Variants in STAB2 observed in about 807,000 individuals in gnomAD.
STAB2 encodes stabilin-2.
In STAB2, 288 loss-of-function variants were observed where a neutral mutation model predicts 338.1. That is an observed-to-expected ratio of 0.85 (90% CI 0.77 to 0.94). The LOEUF (loss-of-function observed/expected upper bound fraction) is 0.94. STAB2 is among the 40% of genes least tolerant of loss of function. The probability of loss-of-function intolerance (pLI) is 0.00; values close to 1 mark genes in which losing one functional copy is unlikely to be tolerated. For missense variants in STAB2, 3,141 were observed against 3,210.1 expected (o/e 0.98, Z 0.52); for synonymous variants, 1,202 against 1,193.3 (o/e 1.01, Z -0.15).
intron 65 of STAB2, 133 bp downstream of exon 65, chr12:103,759,406 T>A: frequency 7.6e-7 from 1 of 1,319,504 alleles, no homozygotes; most frequent in Non-Finnish European, 1.0e-6. Context: ...GGGACGGTGT[T>A]AACTGCCCAC....
At position 103,650,725 on chromosome 12, in the gene STAB2, T is replaced by A. The variant is rs1415511917; in HGVS notation, c.1257+147T>A. On this transcript the variant is annotated intron_variant, in intron 11 of 68. Transcript: ENST00000388887. Reference sequence around the variant, plus strand: ...TGATTTTTTGATAAACTTCTTTTAGTGATATATAACATCCTTACAGAAAGT... The same window carrying A: ...TGATTTTTTGATAAACTTCTTTTAGAGATATATAACATCCTTACAGAAAGT... 19 of 602,622 alleles carry A rather than the reference T, an allele frequency of 3.2e-5. No individual in the cohort carries two copies. In the East Asian group the frequency reaches 5.2e-4, roughly 16 times the overall value. The allele number at this position is 602,622 out of a possible 1,614,324, so 37.3% of individuals were successfully genotyped here.
At chr12:103,610,670 T>G (rs1198897663) in intron 3 of STAB2, among the ~76,000 whole-genome samples, 1 of 152,240 alleles carries the variant, frequency 6.6e-6, no homozygotes. Context: ...TGAAGGGTTT[T>G]TTATGTCTCT....
chr12:103,692,724 G>T (rs1488643353), intron 30 of STAB2, 88 bp from the exon 31 acceptor site: 2 of 1,099,138 alleles, frequency 1.8e-6, no homozygotes, highest in African/African-American at 1.6e-5. Context: ...GGTCACTGCT[G>T]CTCAAAAAGC....
chr12:103,714,008 G>A (rs1880098520), intron 42 of STAB2, among the ~76,000 whole-genome samples: 1 of 152,226 alleles, frequency 6.6e-6, no homozygotes, highest in Non-Finnish European at 1.5e-5. Context: ...TCATGGCGAT[G>A]ACAGAACATT....
In STAB2 at chr12:103,699,190, T is replaced by C; in HGVS notation, c.3677T>C (p.Phe1226Ser). Residue 1226 changes from phenylalanine to serine, a missense_variant, in exon 34 of 69, where the codon TTC (phenylalanine) becomes TCC (serine). Phe to Ser is a radical substitution (Grantham distance 155). Coordinates refer to ENST00000388887, the MANE Select transcript of STAB2 (RefSeq NM_017564.10). ...NGMHRETMLGFSYFLSFFLHN... is the reference protein window; with the variant it reads ...NGMHRETMLGSSYFLSFFLHN... ...ATGCATCGTGAGACCATGCTGGGTTTCTCCTATTTCCTTAGCTTCTTTCTC... is the reference window on the plus strand; with the variant it reads ...ATGCATCGTGAGACCATGCTGGGTTCCTCCTATTTCCTTAGCTTCTTTCTC... The C allele has an allele frequency of 1.2e-6, 2 of 1,613,220 alleles. No individual in the cohort carries two copies. Among genetic ancestry groups the C allele is most frequent in the Non-Finnish European group, 1.7e-6 (2 of 1,179,358 alleles).
At chr12:103,668,454 A>G in intron 19 of STAB2, 189 bp from the exon 20 acceptor site, 1 of 579,406 alleles carries the variant, frequency 1.7e-6, no homozygotes, top group Non-Finnish European at 3.1e-6. Context: ...TTCCACCAAC[A>G]AGGGAACAGG....
intron 3 of STAB2, among the ~76,000 whole-genome samples, chr12:103,606,320 A>G (rs11111673): frequency 0.32 from 48,900 of 152,038 alleles, 10,025 homozygotes; most frequent in African/African-American, 0.58. Flanking sequence ...TTCTATATAT[A>G]TTAGAAGCCC....
intron 2 of STAB2, chr12:103,592,109 G>T (rs994927196): frequency 6.6e-6 from 1 of 152,250 alleles, no homozygotes; most frequent in South Asian, 2.1e-4. Flanking sequence ...CAAGCAGTGG[G>T]TATCATCAGA....
rs1185489865 is a variant in STAB2 at position 103,690,000 on chromosome 12, T to C, written c.3182+18T>C. ...CTAATAAAGTAGGTGTTACTTATTT[T>C]ATTTTACATCGTATCTGAATGGCAT... On this transcript the variant is annotated intron_variant, in intron 29 of 68. Coordinates refer to ENST00000388887, the MANE Select transcript of STAB2 (RefSeq NM_017564.10). 1.2e-6 allele frequency: 2 copies of C among 1,609,220 alleles called. No individual in the cohort carries two copies. The highest frequency in any genetic ancestry group is 1.3e-5 in the African/African-American group (1 of 74,748).
At chr12:103,621,043 G>A (rs1957293220) in intron 4 of STAB2, among the ~76,000 whole-genome samples, 1 of 152,128 alleles carries the variant, frequency 6.6e-6, no homozygotes, top group Admixed American at 6.5e-5. Context: ...GTTGCAGTGA[G>A]CTGAGATTGT....
At position 103,670,821 on chromosome 12, in the gene STAB2, C is replaced by A; in HGVS notation, c.2371+14C>A. The stretch of plus-strand genomic sequence containing the variant: ...GGTGTAACAAAAGTAAGTGGCACTT[C>A]CAGAGCTTCCTTCCACTCCTAAGCA... On this transcript the variant is annotated intron_variant, in intron 22 of 68. Transcript: ENST00000388887. 2 of 1,602,758 alleles carry A rather than the reference C, an allele frequency of 1.2e-6. No individual in the cohort carries two copies. The highest frequency in any genetic ancestry group is 1.1e-5 in the South Asian group (1 of 89,994).
intron 12 of STAB2, 44 bp downstream of exon 12, chr12:103,652,749 C>A (rs776167511): frequency 6.6e-7 from 1 of 1,504,334 alleles, no homozygotes; most frequent in Non-Finnish European, 8.9e-7. Context: ...AAATTATCCA[C>A]CAAGCCAATG....
chr12:103,686,954 A>T (rs564422095), intron 27 of STAB2, among the ~76,000 whole-genome samples: 1 of 152,218 alleles, frequency 6.6e-6, no homozygotes, highest in Non-Finnish European at 1.5e-5. Context: ...CCTCTAAGGG[A>T]TTACTCAGGC....
At chr12:103,708,837 T>C (rs1566035055) in intron 39 of STAB2, among the ~76,000 whole-genome samples, 1 of 152,164 alleles carries the variant, frequency 6.6e-6, no homozygotes, top group East Asian at 1.9e-4. Context: ...AGTAACCTAC[T>C]TTTCCACTTC....
intron 12 of STAB2, among the ~76,000 whole-genome samples, chr12:103,653,896 T>C (rs1873976374): frequency 6.7e-6 from 1 of 148,614 alleles, no homozygotes; most frequent in Non-Finnish European, 1.5e-5. Context: ...GCATGGAGGA[T>C]GCATGGATAG....
At chr12:103,632,771 C>G (rs1331907359) in intron 6 of STAB2, among the ~76,000 whole-genome samples, 5 of 152,148 alleles carry the variant, frequency 3.3e-5, no homozygotes, top group African/African-American at 1.2e-4. Flanking sequence ...CCCACCGTGT[C>G]CCGCCAGCGC....
intron 53 of STAB2, among the ~76,000 whole-genome samples, chr12:103,738,186 C>G (rs568781823): frequency 1.3e-5 from 2 of 152,222 alleles, no homozygotes; most frequent in East Asian, 1.9e-4. Context: ...CAGTCTGGAG[C>G]CTATGAAAAG....
intron 6 of STAB2, among the ~76,000 whole-genome samples, chr12:103,635,826 G>C (rs1017245700): frequency 6.6e-6 from 1 of 152,142 alleles, no homozygotes; most frequent in African/African-American, 2.4e-5. Flanking sequence ...CAAGGCTTGT[G>C]ACCTCCCCAT....
intron 68 of STAB2, 77 bp from the exon 69 acceptor site, chr12:103,766,209 C>G (rs771379193): frequency 3.2e-6 from 5 of 1,575,968 alleles, no homozygotes; most frequent in Non-Finnish European, 4.4e-6. Context: ...ATGCCTCAGA[C>G]CAGTGGCCAC....
Sources: allele counts gnomAD v4.1 joint callset (sites outside exome capture counted in the v4.1 genomes callset), GRCh38; gene constraint gnomAD v4.1.1; transcripts MANE v1.5; gene names NCBI Gene and HGNC (gene_info 2026-07-23, HGNC 2026-07-21).